PRKCZ: variants seen among roughly 807,000 people sequenced by gnomAD.
The protein encoded by PRKCZ is protein kinase C zeta type.
A neutral mutation model predicts 79.5 loss-of-function variants in PRKCZ; 33 were observed. The ratio of observed to expected loss-of-function variants is 0.41; its 90% CI spans 0.31 to 0.55. PRKCZ has a LOEUF of 0.55. Ranked by LOEUF, PRKCZ falls within the 20% of genes least tolerant of loss-of-function variation. The probability of loss-of-function intolerance (pLI) is 0.19; values close to 1 mark genes in which losing one functional copy is unlikely to be tolerated. For missense variants in PRKCZ, 578 were observed against 813.5 expected, an observed-to-expected ratio of 0.71 and a Z score of 3.52; for synonymous variants, 342 against 320.9, an observed-to-expected ratio of 1.07 and a Z score of -0.70.
intron 4 of PRKCZ, among the ~76,000 whole-genome samples, chr1:2,105,646 C>T (rs986661344): frequency 1.3e-5 from 2 of 152,168 alleles, no homozygotes; most frequent in Non-Finnish European, 2.9e-5. Flanking sequence ...GTGGTCCACC[C>T]ACCTCAGCCT....
At chr1:2,095,457 G>A (rs1440289810) in intron 4 of PRKCZ, among the ~76,000 whole-genome samples, 2 of 152,154 alleles carry the variant, frequency 1.3e-5, no homozygotes, top group African/African-American at 4.8e-5. Context: ...CCCACCGAGG[G>A]CCCAGGGAGT....
intron 4 of PRKCZ, among the ~76,000 whole-genome samples, chr1:2,092,331 G>A (rs1012553725): frequency 7.9e-5 from 12 of 152,218 alleles, no homozygotes; most frequent in African/African-American, 2.2e-4. Context: ...CCCAAGAGAA[G>A]CCCCAGCTCA....
intron 4 of PRKCZ, among the ~76,000 whole-genome samples, chr1:2,085,566 C>T (rs746861301): frequency 3.3e-5 from 5 of 152,246 alleles, no homozygotes; most frequent in East Asian, 1.9e-4. Context: ...GCCCATGCAG[C>T]GCCACGCTGG....
intron 4 of PRKCZ, among the ~76,000 whole-genome samples, chr1:2,079,733 C>T (rs953099926): frequency 1.3e-5 from 2 of 152,188 alleles, no homozygotes; most frequent in Admixed American, 6.5e-5. Flanking sequence ...TCTTTGGCCT[C>T]GTACTCAGCT....
At position 2,125,875 on chromosome 1, in the gene PRKCZ, C is replaced by T. The variant is rs975384522; in HGVS notation, c.335-9387C>T. Among the ~76,000 whole-genome samples, 9 of 152,170 alleles carry T rather than the reference C, an allele frequency of 5.9e-5. No individual in the cohort carries two copies. The highest frequency in any genetic ancestry group is 1.2e-4 in the Non-Finnish European group (8 of 68,010). ...GCCCTGGAAGGAGCCGCCCGGCTGC[C>T]TCTCGCCAACATGCAGCACTTCCCT... On this transcript the variant is annotated intron_variant, in intron 4 of 17. Coordinates refer to ENST00000378567, the MANE Select transcript of PRKCZ (RefSeq NM_002744.6). The surrounding 1 kb of genome is among the most constrained non-coding windows in gnomAD (Gnocchi z 4.2).
chr1:2,145,751 A>G (rs1395295443), intron 6 of PRKCZ, among the ~76,000 whole-genome samples: 1 of 151,774 alleles, frequency 6.6e-6, no homozygotes, highest in African/African-American at 2.4e-5. Flanking sequence ...CCATCTCTAC[A>G]AAAAAAATAC....
intron 4 of PRKCZ, among the ~76,000 whole-genome samples, chr1:2,106,624 ACT>A (rs1448395824): frequency 1.7e-5 from 1 of 59,410 alleles, no homozygotes; most frequent in Non-Finnish European, 3.5e-5. Flanking sequence ...AGGCCAGGTA[ACT>A]CTCAGCAAGC....
intron 4 of PRKCZ, among the ~76,000 whole-genome samples, chr1:2,064,154 C>T (rs1446423071): frequency 6.6e-6 from 1 of 152,204 alleles, no homozygotes; most frequent in African/African-American, 2.4e-5. Flanking sequence ...GCTTTGTTGG[C>T]CATTTCTGTG....
intron 4 of PRKCZ, among the ~76,000 whole-genome samples, chr1:2,095,729 C>T (rs12743672): frequency 0.11 from 16,516 of 144,164 alleles, 1,068 homozygotes; most frequent in Middle Eastern, 0.16. Flanking sequence ...TTTTCCCTCC[C>T]CACCTTTCCG....
intron 16 of PRKCZ, among the ~76,000 whole-genome samples, chr1:2,179,957 C>G (rs2100510198): frequency 6.6e-6 from 1 of 152,256 alleles, no homozygotes; most frequent in Non-Finnish European, 1.5e-5. Context: ...AGAGAGATGG[C>G]TGGGTCTGGG....
chr1:2,117,728 C>T (rs549323006), intron 4 of PRKCZ, among the ~76,000 whole-genome samples: 58 of 152,236 alleles, frequency 3.8e-4, no homozygotes, highest in Non-Finnish European at 6.5e-4. Context: ...TATTTTATTC[C>T]TAGTTGAAAG....
chr1:2,102,686 C>G (rs772514500), intron 4 of PRKCZ, among the ~76,000 whole-genome samples: 1 of 152,028 alleles, frequency 6.6e-6, no homozygotes, highest in South Asian at 2.1e-4. Context: ...CTAGAAACTT[C>G]GTGTATTTTT....
intron 4 of PRKCZ, among the ~76,000 whole-genome samples, chr1:2,085,835 C>A (rs1231815885): frequency 1.3e-5 from 2 of 152,134 alleles, no homozygotes; most frequent in Non-Finnish European, 2.9e-5. Flanking sequence ...GGCCCGGCTC[C>A]CCTCTCACAG....
rs1405484257 is a variant in PRKCZ at position 2,156,167 on chromosome 1, A to G, written c.974+75A>G. 2.2e-6 allele frequency: 3 copies of G among 1,380,464 alleles called. No individual in the cohort carries two copies. In the African/African-American group the frequency reaches 4.3e-5, roughly 20 times the overall value. 85.5% of individuals were successfully genotyped at this position (1,380,464 alleles called of 1,614,324 possible). Reference sequence around the variant, plus strand: ...CTGCACAGAAGCTAAGTCTGGTGTGATGTGTCAACTGTCACCTGTAAGGTT... The same window carrying G: ...CTGCACAGAAGCTAAGTCTGGTGTGGTGTGTCAACTGTCACCTGTAAGGTT... On this transcript the variant is annotated intron_variant, in intron 10 of 17. Coordinates refer to ENST00000378567, the MANE Select transcript of PRKCZ (RefSeq NM_002744.6).
intron 4 of PRKCZ, among the ~76,000 whole-genome samples, chr1:2,107,809 G>A (rs1396469737): frequency 6.6e-6 from 1 of 151,948 alleles, no homozygotes; most frequent in East Asian, 1.9e-4. Flanking sequence ...GCAGTGTCGG[G>A]AGCCCCCAAC....
At position 2,105,093 on chromosome 1, in the gene PRKCZ, C is replaced by T. The variant is rs72916812; in HGVS notation, c.335-30169C>T. Among the ~76,000 whole-genome samples the T allele has an allele frequency of 5.6e-3, 860 of 152,298 alleles. 8 individuals are homozygous for T. The highest frequency in any genetic ancestry group is 0.019 in the African/African-American group (770 of 41,542). ...ACGAGTAACCCCTTATCACAGCACACGTCTGTCGTGCCATGAAGCAATTTC... is the reference window on the plus strand; with the variant it reads ...ACGAGTAACCCCTTATCACAGCACATGTCTGTCGTGCCATGAAGCAATTTC... On this transcript the variant is annotated intron_variant, in intron 4 of 17. Coordinates refer to ENST00000378567, the MANE Select transcript of PRKCZ (RefSeq NM_002744.6).
chr1:2,065,536 G>A (rs532194859), intron 4 of PRKCZ, among the ~76,000 whole-genome samples: 27 of 152,234 alleles, frequency 1.8e-4, no homozygotes, highest in African/African-American at 3.6e-4. Context: ...AAAATTATCC[G>A]GGCGTGGTTG....
intron 9 of PRKCZ, among the ~76,000 whole-genome samples, chr1:2,153,946 C>T (rs1416759536): frequency 6.6e-6 from 1 of 152,222 alleles, no homozygotes; most frequent in Non-Finnish European, 1.5e-5. Flanking sequence ...CCCCAGGAGT[C>T]ACTGGCAAGC....
chr1:2,088,878 G>T (rs1313643819), intron 4 of PRKCZ, among the ~76,000 whole-genome samples: 2 of 152,234 alleles, frequency 1.3e-5, no homozygotes, highest in Non-Finnish European at 2.9e-5. Flanking sequence ...CATAGGGCAG[G>T]ATGTCAGAAA....
Sources: allele counts gnomAD v4.1 joint callset (sites outside exome capture counted in the v4.1 genomes callset), GRCh38; gene constraint gnomAD v4.1.1; non-coding constraint Gnocchi (gnomAD v3.1); transcripts MANE v1.5; gene names NCBI Gene and HGNC (gene_info 2026-07-23, HGNC 2026-07-21).